PCSK5: variants seen among roughly 807,000 people sequenced by gnomAD.
The protein encoded by PCSK5 is prohormone convertase 5.
A neutral mutation model predicts 233.2 loss-of-function variants in PCSK5; 129 were observed. That is an observed-to-expected ratio of 0.55 (90% CI 0.48 to 0.64). The LOEUF (loss-of-function observed/expected upper bound fraction) is 0.64. Ranked by LOEUF, PCSK5 falls within the 30% of genes least tolerant of loss-of-function variation. PCSK5 has a pLI of 0.00. For missense variants in PCSK5, 2,076 were observed against 2,430.1 expected (o/e 0.85, Z 3.06); for synonymous variants, 825 against 879.2 (o/e 0.94, Z 1.09).
At chr9:76,336,090 G>T (rs1587347198) in intron 34 of PCSK5, among the ~76,000 whole-genome samples, 1 of 152,002 alleles carries the variant, frequency 6.6e-6, no homozygotes, top group South Asian at 2.1e-4. Context: ...GCTCATCATC[G>T]CCTTGTCTCT....
At chr9:76,192,124 C>T (rs1008603393) in intron 20 of PCSK5, among the ~76,000 whole-genome samples, 2 of 146,308 alleles carry the variant, frequency 1.4e-5, no homozygotes, top group Admixed American at 1.4e-4. Flanking sequence ...ATTGTAACAA[C>T]TTGAAATGTT....
chr9:75,992,895 G>C (rs1826835740), intron 3 of PCSK5, among the ~76,000 whole-genome samples: 1 of 152,180 alleles, frequency 6.6e-6, no homozygotes, highest in African/African-American at 2.4e-5. Flanking sequence ...AAAATTAGCT[G>C]AGTTCGGTTA....
chr9:76,273,964 T>G (rs1348382923), intron 24 of PCSK5, among the ~76,000 whole-genome samples: 3 of 145,270 alleles, frequency 2.1e-5, no homozygotes, highest in Admixed American at 1.4e-4. Flanking sequence ...GTGGGTTTTG[T>G]TTTTTTTTTT....
chr9:76,022,477 G>A (rs966738440), intron 3 of PCSK5, among the ~76,000 whole-genome samples: 5 of 152,120 alleles, frequency 3.3e-5, no homozygotes, highest in Non-Finnish European at 7.4e-5. Flanking sequence ...TAGTGAATAG[G>A]GAAAGACCTG....
At chr9:76,045,618 G>A (rs1252230239) in intron 5 of PCSK5, among the ~76,000 whole-genome samples, 4 of 152,222 alleles carry the variant, frequency 2.6e-5, no homozygotes, top group Non-Finnish European at 4.4e-5. Flanking sequence ...ACAGATGACT[G>A]TCAGATGAAA....
intron 3 of PCSK5, among the ~76,000 whole-genome samples, chr9:75,997,057 A>C (rs1403430957): frequency 2.0e-5 from 3 of 152,092 alleles, no homozygotes; most frequent in African/African-American, 7.2e-5. Context: ...GCTTACTGTA[A>C]CCTATCTCTC....
intron 9 of PCSK5, among the ~76,000 whole-genome samples, chr9:76,116,264 G>C (rs1465577892): frequency 6.6e-6 from 1 of 152,056 alleles, no homozygotes; most frequent in Non-Finnish European, 1.5e-5. Context: ...ACCTGGAATA[G>C]AACATGTAAC....
chr9:75,892,357 G>C (rs1825645499), intron 1 of PCSK5, among the ~76,000 whole-genome samples: 1 of 152,216 alleles, frequency 6.6e-6, no homozygotes. Context: ...GCGAGAAATG[G>C]GGGTAGAGAG....
chr9:76,044,863 G>A (rs1829311709), intron 5 of PCSK5, among the ~76,000 whole-genome samples: 1 of 152,120 alleles, frequency 6.6e-6, no homozygotes, highest in Non-Finnish European at 1.5e-5. Flanking sequence ...AGGCTGAATG[G>A]TTTTAAGAGC....
At chr9:76,114,390 ACT>A (rs2131698923) in intron 9 of PCSK5, among the ~76,000 whole-genome samples, 1 of 152,128 alleles carries the variant, frequency 6.6e-6, no homozygotes, top group Non-Finnish European at 1.5e-5. Context: ...CAGACAATAC[ACT>A]CTGTCCTCTA....
At chr9:76,150,708 G>C (rs542365881) in intron 10 of PCSK5, among the ~76,000 whole-genome samples, 3 of 152,288 alleles carry the variant, frequency 2.0e-5, no homozygotes, top group African/African-American at 7.2e-5. Flanking sequence ...TACCCCAAGG[G>C]AGTCTGCATT....
intron 10 of PCSK5, among the ~76,000 whole-genome samples, chr9:76,149,082 G>T (rs993002): frequency 0.13 from 19,366 of 152,256 alleles, 1,386 homozygotes; most frequent in Middle Eastern, 0.21. Context: ...CTTACTTTTC[G>T]TAAATTTTAC....
chr9:76,186,930 C>T (rs538024020), intron 17 of PCSK5, among the ~76,000 whole-genome samples: 1 of 152,084 alleles, frequency 6.6e-6, no homozygotes, highest in South Asian at 2.1e-4. Flanking sequence ...CTCCTTGAGG[C>T]CCCTTGCATT....
At chr9:75,991,628 T>C (rs1826771076) in intron 3 of PCSK5, among the ~76,000 whole-genome samples, 3 of 152,206 alleles carry the variant, frequency 2.0e-5, no homozygotes, top group African/African-American at 7.2e-5. Flanking sequence ...TCTTTCAAGC[T>C]GCTCCAGAGA....
chr9:76,130,961 G>A (rs551049255), intron 9 of PCSK5, among the ~76,000 whole-genome samples: 2 of 152,136 alleles, frequency 1.3e-5, no homozygotes, highest in Admixed American at 6.6e-5. Context: ...TGTTGCACAA[G>A]TTTGTCTATT....
At chr9:76,316,444 A>T (rs886450212) in intron 30 of PCSK5, among the ~76,000 whole-genome samples, 3 of 151,994 alleles carry the variant, frequency 2.0e-5, no homozygotes, top group Non-Finnish European at 4.4e-5. Context: ...CGATTAGAAG[A>T]TGTGATTGGT....
chr9:75,997,491 G>A (rs1206544406), intron 3 of PCSK5, among the ~76,000 whole-genome samples: 2 of 152,288 alleles, frequency 1.3e-5, no homozygotes, highest in East Asian at 3.9e-4. Flanking sequence ...GGCTGCCTCA[G>A]CCTAAGGTTG....
At chr9:76,161,444 C>CTTTTT (rs57216482) in intron 12 of PCSK5, among the ~76,000 whole-genome samples, 1 of 146,542 alleles carries the variant, frequency 6.8e-6, no homozygotes, top group Non-Finnish European at 1.5e-5. Context: ...TTATTTCTTG[C>CTTTTT]TTTTTTTTTT....
chr9:76,299,673 C>T (rs1438305088), intron 27 of PCSK5, among the ~76,000 whole-genome samples: 2 of 152,028 alleles, frequency 1.3e-5, no homozygotes, highest in African/African-American at 2.4e-5. Context: ...CCATCTAAAA[C>T]AACAACAACA....
Sources: gnomAD v4.1 joint callset for allele counts (sites outside exome capture counted in the v4.1 genomes callset) on GRCh38, gnomAD v4.1.1 for gene constraint, MANE v1.5 for transcripts, NCBI Gene and HGNC (gene_info 2026-07-23, HGNC 2026-07-21) for gene names.